The following IFT70B variants were observed in gnomAD, a reference collection of about 807,000 sequenced individuals.
The protein encoded by IFT70B is intraflagellar transport protein 70B.
chr2:177,550,780 C>T, the IFT70B span: 5 of 1,606,362 alleles, frequency 3.1e-6, no homozygotes, highest in African/African-American at 1.3e-5. Flanking sequence ...ATATTCCATC[C>T]TATAATCTCA....
At chr2:177,551,530 C>T in the IFT70B span, 1 of 1,614,246 alleles carries the variant, frequency 6.2e-7, no homozygotes, top group Non-Finnish European at 8.5e-7. Flanking sequence ...TCATTCACTG[C>T]CTTTTTGATA....
At chr2:177,552,408 T>C in the IFT70B span, 7,888 of 1,613,738 alleles carry the variant, frequency 4.9e-3, 38 homozygotes, top group East Asian at 0.024. Context: ...GATAGCAGCT[T>C]GCAGGCGGAG....
At chr2:177,551,779 G>A in the IFT70B span, 3 of 1,614,240 alleles carry the variant, frequency 1.9e-6, no homozygotes, top group Non-Finnish European at 2.5e-6. Context: ...TTACAGTAGA[G>A]CAGCAACAGG....
At chr2:177,550,980 T>C in the IFT70B span, 1 of 1,614,076 alleles carries the variant, frequency 6.2e-7, no homozygotes, top group South Asian at 1.1e-5. Flanking sequence ...TGACATGTTT[T>C]CTAACAAGGA....
the IFT70B span, chr2:177,551,010 T>A: frequency 6.2e-7 from 1 of 1,614,204 alleles, no homozygotes. Context: ...TCTTTTGGCA[T>A]AATACCAGGT....
the IFT70B span, chr2:177,551,992 C>T: frequency 6.2e-7 from 1 of 1,614,178 alleles, no homozygotes; most frequent in East Asian, 2.2e-5. Context: ...TCTATAGCTG[C>T]CTTAAGGTTG....
the IFT70B span, chr2:177,552,595 G>C: frequency 6.3e-7 from 1 of 1,595,590 alleles, no homozygotes; most frequent in Non-Finnish European, 8.5e-7. Context: ...TCCTGCAGGC[G>C]GTAGTAGCAG....
the IFT70B span, chr2:177,552,038 G>C: frequency 6.2e-7 from 1 of 1,614,252 alleles, no homozygotes; most frequent in Non-Finnish European, 8.5e-7. Context: ...GGAGGACTAA[G>C]GTGTTGCCAA....
the IFT70B span, chr2:177,551,434 C>T: frequency 1.2e-6 from 2 of 1,614,190 alleles, no homozygotes; most frequent in Non-Finnish European, 1.7e-6. Context: ...AAGATCTTTT[C>T]CACCATTGGA....
chr2:177,551,429 C>A, the IFT70B span: 1 of 1,614,312 alleles, frequency 6.2e-7, no homozygotes, highest in South Asian at 1.1e-5. Flanking sequence ...TGCGGAAGAT[C>A]TTTTCCACCA....
chr2:177,552,730 C>T, the IFT70B span: 43 of 1,584,042 alleles, frequency 2.7e-5, no homozygotes, highest in South Asian at 3.8e-4. Flanking sequence ...GTGAACTCCC[C>T]GTCGGGGATC....
chr2:177,552,013 C>A, the IFT70B span: 43 of 1,614,098 alleles, frequency 2.7e-5, no homozygotes, highest in South Asian at 4.7e-4. Context: ...AAGGCTTCCA[C>A]CAGAGCAGTC....
At chr2:177,549,362 G>C in the IFT70B span, 6 of 152,364 alleles carry the variant, frequency 3.9e-5, no homozygotes, top group East Asian at 1.2e-3. Flanking sequence ...AGGAGGTCAT[G>C]CTACAGAGGA....
the IFT70B span, chr2:177,549,440 A>C: frequency 6.6e-6 from 1 of 152,202 alleles, no homozygotes; most frequent in Non-Finnish European, 1.5e-5. Flanking sequence ...GAAGGAAAAA[A>C]TCATCTCATT....
At chr2:177,551,876 C>T in the IFT70B span, 1 of 1,614,240 alleles carries the variant, frequency 6.2e-7, no homozygotes, top group Non-Finnish European at 8.5e-7. Flanking sequence ...CATCCATGTT[C>T]ATTAGTGCCT....
the IFT70B span, chr2:177,552,526 G>A: frequency 5.6e-6 from 9 of 1,601,314 alleles, no homozygotes; most frequent in Non-Finnish European, 6.8e-6. Context: ...AGGCGGTACT[G>A]CTCCAGTTCC....
the IFT70B span, chr2:177,551,963 A>C: frequency 6.2e-7 from 1 of 1,614,166 alleles, no homozygotes; most frequent in Non-Finnish European, 8.5e-7. Context: ...GAGCTGCCTC[A>C]TAGTTTCTCA....
At chr2:177,552,779 T>C in the IFT70B span, 1 of 1,515,922 alleles carries the variant, frequency 6.6e-7, no homozygotes, top group Non-Finnish European at 8.8e-7. Context: ...CCACGGCTGT[T>C]ATGGGTGCGG....
At chr2:177,550,470 C>A in the IFT70B span, 1 of 231,062 alleles carries the variant, frequency 4.3e-6, no homozygotes, top group Non-Finnish European at 8.3e-6. Flanking sequence ...GTGCAAAGAC[C>A]CCTCAAGATA....
Sources: gnomAD v4.1 joint callset for allele counts on GRCh38, gnomAD v4.1.1 for gene constraint, MANE v1.5 for transcripts, NCBI Gene and HGNC (gene_info 2026-07-23, HGNC 2026-07-21) for gene names.